PRDM5: variants seen among roughly 807,000 people sequenced by gnomAD.
PRDM5 encodes PR domain zinc finger protein 5.
In PRDM5, 56 loss-of-function variants were observed where a neutral mutation model predicts 81.2. The observed-to-expected ratio is 0.69, with a 90% CI of 0.56 to 0.86. The LOEUF is 0.86. Ranked by LOEUF, PRDM5 falls within the 40% of genes least tolerant of loss-of-function variation. PRDM5 has a pLI of 0.00. For synonymous variants in PRDM5, 267 were observed against 256.4 expected (o/e 1.04, Z -0.39); for missense variants, 697 against 770.1 (o/e 0.91, Z 1.12).
intron 1 of PRDM5, among the ~76,000 whole-genome samples, chr4:120,912,653 A>T (rs1229558072): frequency 6.6e-6 from 1 of 152,226 alleles, no homozygotes. Context: ...AGACATTAGG[A>T]AATTACTGTT....
At chr4:120,761,971 T>G (rs909681158) in intron 13 of PRDM5, among the ~76,000 whole-genome samples, 2 of 152,264 alleles carry the variant, frequency 1.3e-5, no homozygotes, top group East Asian at 3.9e-4. Context: ...TTTAAAAAAG[T>G]GTACAGCCAA....
intron 2 of PRDM5, among the ~76,000 whole-genome samples, chr4:120,882,310 G>A (rs1762932793): frequency 6.6e-6 from 1 of 152,086 alleles, no homozygotes; most frequent in South Asian, 2.1e-4. Flanking sequence ...ACCACACCCA[G>A]CTAATTTTTG....
chr4:120,743,294 A>T (rs1172360321), intron 14 of PRDM5, among the ~76,000 whole-genome samples: 2 of 151,814 alleles, frequency 1.3e-5, no homozygotes, highest in Non-Finnish European at 2.9e-5. Flanking sequence ...AAACAAGGAA[A>T]GGAACAACCG....
chr4:120,817,279 A>G (rs1754656123), intron 5 of PRDM5, among the ~76,000 whole-genome samples: 1 of 152,220 alleles, frequency 6.6e-6, no homozygotes, highest in African/African-American at 2.4e-5. Flanking sequence ...TTAAGTTTTA[A>G]GCACAATTTT....
In PRDM5 at chr4:120,892,413, G is replaced by A. The variant is rs193018555; in HGVS notation, c.177+15061C>T. Among the ~76,000 whole-genome samples, 5 of 152,288 alleles carry A rather than the reference G, an allele frequency of 3.3e-5. No individual in the cohort carries two copies. The East Asian group carries it at 9.6e-4, about 29-fold the overall frequency. ...ATCTAATACTGTCAAGTGGGGCGTT[G>A]AAGTCTCCCAGTATTATTGTGTGGT... On this transcript the variant is annotated intron_variant, in intron 2 of 15. Transcript: ENST00000264808.
intron 7 of PRDM5, chr4:120,812,846 C>A: frequency 3.8e-6 from 1 of 260,590 alleles, no homozygotes; most frequent in South Asian, 3.6e-5. Flanking sequence ...AGTGATATAT[C>A]CACAAGGAAT....
At chr4:120,768,579 C>A (rs1746746229) in intron 13 of PRDM5, among the ~76,000 whole-genome samples, 2 of 152,048 alleles carry the variant, frequency 1.3e-5, no homozygotes, top group African/African-American at 4.8e-5. Flanking sequence ...ATGAGAGCCC[C>A]CAGATCTCTA....
intron 13 of PRDM5, among the ~76,000 whole-genome samples, chr4:120,755,822 C>T (rs843558): frequency 0.99 from 151,076 of 152,280 alleles, 74,951 homozygotes; most frequent in Middle Eastern, 1. Context: ...AGACATCATA[C>T]GGAAGCACCT....
chr4:120,841,459 T>G (rs570956368), intron 3 of PRDM5, among the ~76,000 whole-genome samples: 1 of 152,352 alleles, frequency 6.6e-6, no homozygotes, highest in African/African-American at 2.4e-5. Flanking sequence ...AAGACCTACA[T>G]GTGGCTAATT....
chr4:120,821,474 G>T (rs1578873686), intron 3 of PRDM5, 129 bp from the exon 4 acceptor site: 1 of 870,916 alleles, frequency 1.1e-6, no homozygotes, highest in Non-Finnish European at 1.7e-6. Context: ...ATTTCTAGTT[G>T]ATCTGGGTGC....
intron 13 of PRDM5, among the ~76,000 whole-genome samples, chr4:120,771,137 G>C (rs1224953557): frequency 6.6e-6 from 1 of 151,848 alleles, no homozygotes; most frequent in Non-Finnish European, 1.5e-5. Context: ...TAAATATGTA[G>C]GATCTTTTCC....
intron 14 of PRDM5, among the ~76,000 whole-genome samples, chr4:120,736,046 T>C (rs1741067334): frequency 1.5e-5 from 1 of 65,398 alleles, no homozygotes; most frequent in Non-Finnish European, 2.7e-5. Flanking sequence ...CCATTCTGTA[T>C]GTCCATTTTT....
At chr4:120,727,927 C>A (rs1739676780) in intron 14 of PRDM5, among the ~76,000 whole-genome samples, 1 of 147,894 alleles carries the variant, frequency 6.8e-6, no homozygotes, top group African/African-American at 2.5e-5. Context: ...CAGAGTGAGA[C>A]TCCATCTCAG....
At chr4:120,734,391 AACACACACAC>A (rs71597096) in intron 14 of PRDM5, among the ~76,000 whole-genome samples, 15 of 147,520 alleles carry the variant, frequency 1.0e-4, no homozygotes, top group Admixed American at 8.1e-4. Flanking sequence ...ATGTTAGTGG[AACACACACAC>A]ACACACACAC....
chr4:120,830,780 A>G (rs146554753), intron 3 of PRDM5, among the ~76,000 whole-genome samples: 73 of 152,222 alleles, frequency 4.8e-4, no homozygotes, highest in Admixed American at 1.3e-3. Flanking sequence ...ATAGCTTATA[A>G]TCAGCCATAC....
chr4:120,743,582 A>G (rs1279151453), intron 14 of PRDM5, among the ~76,000 whole-genome samples: 2 of 115,320 alleles, frequency 1.7e-5, no homozygotes, highest in African/African-American at 6.9e-5. Flanking sequence ...AGGATGGAGG[A>G]AGATCTACCA....
In PRDM5 at chr4:120,816,644, C is replaced by T. The variant is rs1578856126; in HGVS notation, c.744-70G>A. ...CATACCTACAAAACTCAAACATCAG[C>T]AAGATTTTGTAATACATGCTCCCTA... On this transcript the variant is annotated intron_variant, in intron 6 of 15. Coordinates refer to ENST00000264808, the MANE Select transcript of PRDM5 (RefSeq NM_018699.4). 14 of 1,602,612 alleles carry T rather than the reference C, an allele frequency of 8.7e-6. No homozygotes were observed. The East Asian group carries it at 3.1e-4, about 36-fold the overall frequency.
chr4:120,922,395 G>C, intron 1 of PRDM5, 121 bp downstream of exon 1: 3 of 1,144,398 alleles, frequency 2.6e-6, no homozygotes, highest in Non-Finnish European at 3.2e-6. Flanking sequence ...GCCTGGCCCG[G>C]CCCGGGCGAG....
chr4:120,869,898 T>A (rs905991481), intron 2 of PRDM5, among the ~76,000 whole-genome samples: 1 of 152,018 alleles, frequency 6.6e-6, no homozygotes, highest in Non-Finnish European at 1.5e-5. Flanking sequence ...AATTAACCCA[T>A]GCATGAACTA....
Sources: allele counts gnomAD v4.1 joint callset (sites outside exome capture counted in the v4.1 genomes callset), GRCh38; gene constraint gnomAD v4.1.1; transcripts MANE v1.5; gene names NCBI Gene and HGNC (gene_info 2026-07-23, HGNC 2026-07-21).